The following ANKRD30BL variants were observed in gnomAD, a reference collection of about 807,000 sequenced individuals.
The protein encoded by ANKRD30BL is ankyrin repeat domain 30B like.
ANKRD30BL carries 20 observed loss-of-function variants against 18.4 expected under a neutral mutation model. The observed-to-expected ratio is 1.09, with a 90% CI of 0.77 to 1.58. The LOEUF (loss-of-function observed/expected upper bound fraction) is 1.58, where lower values mean the gene tolerates loss of function less well. Among genes scored for constraint, ANKRD30BL ranks in the 40% most tolerant of loss-of-function variants. ANKRD30BL has a pLI of 0.00. For missense variants in ANKRD30BL, 224 were observed against 268.6 expected (o/e 0.83, Z 1.16); for synonymous variants, 72 against 100.9 (o/e 0.71, Z 1.72).
intron 1 of ANKRD30BL, among the ~76,000 whole-genome samples, chr2:132,221,517 G>C (rs1679682218): frequency 7.6e-6 from 1 of 131,980 alleles, no homozygotes; most frequent in Admixed American, 7.0e-5. Context: ...CCCTCTGCCT[G>C]GCCAGCCACC....
At chr2:132,149,703 G>A (rs1420119229) in intron 5 of ANKRD30BL, among the ~76,000 whole-genome samples, 2 of 152,130 alleles carry the variant, frequency 1.3e-5, no homozygotes, top group Admixed American at 6.5e-5. Flanking sequence ...TTTCACTCTA[G>A]GAGCCCACTA....
At chr2:132,158,779 C>CATATA (rs1311658893) in intron 1 of ANKRD30BL, among the ~76,000 whole-genome samples, 1 of 150,146 alleles carries the variant, frequency 6.7e-6, no homozygotes, top group Non-Finnish European at 1.5e-5. Context: ...TAATTATTGA[C>CATATA]ATATATGTAA....
chr2:132,226,424 A>G (rs1165150656), intron 1 of ANKRD30BL, among the ~76,000 whole-genome samples: 5 of 150,780 alleles, frequency 3.3e-5, no homozygotes, highest in African/African-American at 5.0e-5. Context: ...ACAGAGTTGA[A>G]ACTTCCTTTT....
intron 1 of ANKRD30BL, among the ~76,000 whole-genome samples, chr2:132,173,288 A>G (rs1331132512): frequency 6.9e-6 from 1 of 144,256 alleles, no homozygotes; most frequent in East Asian, 2.1e-4. Flanking sequence ...GTTGTTATTA[A>G]TCAATTTTGC....
At chr2:132,190,088 G>A (rs960817488) in intron 1 of ANKRD30BL, among the ~76,000 whole-genome samples, 1 of 152,038 alleles carries the variant, frequency 6.6e-6, no homozygotes, top group African/African-American at 2.4e-5. Flanking sequence ...ATCTCACACA[G>A]TTGCTGTAGG....
intron 1 of ANKRD30BL, among the ~76,000 whole-genome samples, chr2:132,225,587 T>C (rs1679820853): frequency 6.6e-6 from 1 of 152,136 alleles, no homozygotes; most frequent in African/African-American, 2.4e-5. Context: ...TAGAACAGTT[T>C]TGAAACACTC....
chr2:132,157,226 A>G (rs1385808782), intron 2 of ANKRD30BL, 80 bp from the exon 3 acceptor site: 1 of 1,080,700 alleles, frequency 9.3e-7, no homozygotes, highest in Non-Finnish European at 1.3e-6. Flanking sequence ...CAAACCAGTT[A>G]TATTTCAATG....
intron 1 of ANKRD30BL, among the ~76,000 whole-genome samples, chr2:132,239,966 G>A (rs1204028133): frequency 2.0e-5 from 3 of 150,626 alleles, no homozygotes; most frequent in Admixed American, 6.7e-5. Flanking sequence ...GGATTTCGTT[G>A]GAAACGGGAA....
At chr2:132,235,861 A>C (rs1680137981) in intron 1 of ANKRD30BL, among the ~76,000 whole-genome samples, 1 of 152,146 alleles carries the variant, frequency 6.6e-6, no homozygotes, top group Admixed American at 6.6e-5. Flanking sequence ...ATGGAACCAA[A>C]AAAGAGCCCG....
intron 1 of ANKRD30BL, among the ~76,000 whole-genome samples, chr2:132,198,523 CTGTGTTAGCTAGGA>C (rs1447788494): frequency 6.6e-6 from 1 of 151,482 alleles, no homozygotes; most frequent in Non-Finnish European, 1.5e-5. Context: ...CGGGGTTTCA[CTGTGTTAGCTAGGA>C]TGGTCTCCAT....
At chr2:132,210,302 T>A (rs1049659892) in intron 1 of ANKRD30BL, among the ~76,000 whole-genome samples, 1 of 151,680 alleles carries the variant, frequency 6.6e-6, no homozygotes, top group Non-Finnish European at 1.5e-5. Flanking sequence ...TTTGAAACAC[T>A]CTTTTTGTAG....
At chr2:132,164,269 CTTTTTTTTTTTTTTTTT>C (rs796313755), upstream of ANKRD30BL, among the ~76,000 whole-genome samples, 27 of 112,212 alleles carry the variant, frequency 2.4e-4, no homozygotes, top group Middle Eastern at 0.014. Flanking sequence ...TTTTCTTTTT[CTTTTTTTTTTTTTTTTT>C]TTTTTTTAAG....
chr2:132,170,056 C>G (rs752916076), intron 1 of ANKRD30BL, among the ~76,000 whole-genome samples: 1 of 152,094 alleles, frequency 6.6e-6, no homozygotes, highest in Non-Finnish European at 1.5e-5. Flanking sequence ...TACACAGTTT[C>G]TTTTTCTAGC....
intron 1 of ANKRD30BL, among the ~76,000 whole-genome samples, chr2:132,237,792 C>A (rs539920412): frequency 1.3e-3 from 204 of 151,858 alleles, no homozygotes; most frequent in African/African-American, 4.4e-3. Flanking sequence ...AAATATCTTT[C>A]CATAAAAACT....
chr2:132,216,734 T>C (rs923326344), intron 1 of ANKRD30BL, among the ~76,000 whole-genome samples: 1 of 151,728 alleles, frequency 6.6e-6, no homozygotes, highest in African/African-American at 2.4e-5. Flanking sequence ...GAGGCCTTCA[T>C]TGGAATCGGG....
At chr2:132,221,823 G>A (rs1251623207) in intron 1 of ANKRD30BL, among the ~76,000 whole-genome samples, 8 of 122,550 alleles carry the variant, frequency 6.5e-5, no homozygotes, top group Non-Finnish European at 1.2e-4. Context: ...GGAGGTGGGG[G>A]GGTCAGCCCC....
In ANKRD30BL at chr2:132,187,344, G is replaced by A. The variant is rs536744585; in HGVS notation, n.442-30198C>T. The stretch of plus-strand genomic sequence containing the variant: ...GGAGTAGCTAGGATTACAGACATGC[G>A]CCGACATGCCCAGCTAATTTTTGTA... On this transcript the variant is annotated intron_variant and non_coding_transcript_variant, in intron 1 of 4. Coordinates refer to the ANKRD30BL transcript ENST00000470729. Among the ~76,000 whole-genome samples the A allele has an allele frequency of 3.2e-3, 483 of 151,730 alleles. 5 individuals are homozygous for A. The highest frequency in any genetic ancestry group is 0.011 in the African/African-American group (459 of 41,374).
chr2:132,217,374 G>A (rs138871329), intron 1 of ANKRD30BL, among the ~76,000 whole-genome samples: 1 of 152,028 alleles, frequency 6.6e-6, no homozygotes, highest in African/African-American at 2.4e-5. Flanking sequence ...CACTGTTTTT[G>A]TAGAATCTGC....
chr2:132,198,267 CTTTTCTTTCTTT>C (rs1679007193), intron 1 of ANKRD30BL, among the ~76,000 whole-genome samples: 1 of 128,674 alleles, frequency 7.8e-6, no homozygotes. Flanking sequence ...TTCTTTCTTT[CTTTTCTTTCTTT>C]CTTTCTTTCT....
Sources: gnomAD v4.1 joint callset for allele counts (sites outside exome capture counted in the v4.1 genomes callset) on GRCh38, gnomAD v4.1.1 for gene constraint, MANE v1.5 for transcripts, NCBI Gene and HGNC (gene_info 2026-07-23, HGNC 2026-07-21) for gene names.